ADAMTS18: variants seen among roughly 807,000 people sequenced by gnomAD.
ADAMTS18 encodes A disintegrin and metalloproteinase with thrombospondin motifs 18.
ADAMTS18 carries 157 observed loss-of-function variants against 165.9 expected under a neutral mutation model. The observed-to-expected ratio is 0.95, with a 90% CI of 0.83 to 1.08. ADAMTS18 has a LOEUF of 1.08. ADAMTS18 is among the 50% of genes least tolerant of loss of function. The pLI is 0.00. For synonymous variants in ADAMTS18, 782 were observed against 578.2 expected (o/e 1.35, Z -5.06); for missense variants, 2,040 against 1,534.0 (o/e 1.33, Z -5.51).
At chr16:77,288,112 T>C (rs1266856373) in intron 22 of ADAMTS18, among the ~76,000 whole-genome samples, 1 of 152,132 alleles carries the variant, frequency 6.6e-6, no homozygotes, top group Admixed American at 6.5e-5. Context: ...ATTGTGGTAT[T>C]AGGTGCTGGG....
chr16:77,419,372 G>T (rs565654914), intron 3 of ADAMTS18, among the ~76,000 whole-genome samples: 163 of 152,186 alleles, frequency 1.1e-3, no homozygotes, highest in African/African-American at 3.6e-3. Context: ...GTCAGCTAGA[G>T]GTCACTCAGC....
rs535342182 is a variant in ADAMTS18 at position 77,396,904 on chromosome 16, T to C, written c.496-29181A>G. On this transcript the variant is annotated intron_variant, in intron 3 of 22. Coordinates refer to ENST00000282849, the MANE Select transcript of ADAMTS18 (RefSeq NM_199355.4). Reference sequence around the variant, plus strand: ...TCACTGCAACCTCTGCCCCCTGGATTCAAGCGATTCTCTTGCCTCAGCCTC... The same window carrying C: ...TCACTGCAACCTCTGCCCCCTGGATCCAAGCGATTCTCTTGCCTCAGCCTC... Among the ~76,000 whole-genome samples the C allele has an allele frequency of 1.2e-4, 18 of 152,134 alleles. No homozygotes were observed. In the South Asian group the frequency reaches 3.7e-3, roughly 32 times the overall value.
chr16:77,288,906 G>A (rs559755962), intron 22 of ADAMTS18, among the ~76,000 whole-genome samples: 6 of 152,234 alleles, frequency 3.9e-5, no homozygotes, highest in South Asian at 4.1e-4. Flanking sequence ...CCAACATGGT[G>A]AAACCCTGTC....
chr16:77,404,992 C>G (rs141219426), intron 3 of ADAMTS18, among the ~76,000 whole-genome samples: 207 of 152,202 alleles, frequency 1.4e-3, no homozygotes, highest in African/African-American at 4.6e-3. Context: ...GCCCCCAGAG[C>G]GGGGGAATGT....
At chr16:77,400,456 C>CTGTG (rs796918149) in intron 3 of ADAMTS18, among the ~76,000 whole-genome samples, 183 of 110,780 alleles carry the variant, frequency 1.7e-3, no homozygotes, top group Middle Eastern at 4.7e-3. Flanking sequence ...GTGTGTGTGT[C>CTGTG]TGTGTGTGTG....
intron 19 of ADAMTS18, 99 bp from the exon 20 acceptor site, chr16:77,293,357 G>C: frequency 9.2e-7 from 1 of 1,091,752 alleles, no homozygotes; most frequent in Non-Finnish European, 1.4e-6. Context: ...GTGAAAGGTG[G>C]GATAAACTCC....
chr16:77,390,699 G>GA (rs572079107), intron 3 of ADAMTS18, among the ~76,000 whole-genome samples: 4,562 of 132,284 alleles, frequency 0.034, 230 homozygotes, highest in African/African-American at 0.11. Context: ...CAAAAAAAAA[G>GA]AAAAAAAAAA....
intron 14 of ADAMTS18, 79 bp downstream of exon 14, chr16:77,322,257 C>A: frequency 6.5e-7 from 1 of 1,541,860 alleles, no homozygotes. Context: ...CACAATCTCT[C>A]ACACCACTGT....
In ADAMTS18 at chr16:77,334,109, GTGTTATATA is replaced by G. The variant is rs1567490912; in HGVS notation, c.1859+1638_1859+1646del. The stretch of plus-strand genomic sequence containing the variant: ...TGTTATATATTATATATAATATATA[GTGTTATATA>G]TTATATATAATATATAGTGTTATAT... On this transcript the variant is annotated intron_variant, in intron 12 of 22. Coordinates refer to ENST00000282849, the MANE Select transcript of ADAMTS18 (RefSeq NM_199355.4). 4.8e-4 allele frequency among the ~76,000 whole-genome samples: 51 copies of G among 106,682 alleles called. 1 individual carries two copies. Among genetic ancestry groups the G allele is most frequent in the East Asian group, 1.7e-3 (6 of 3,552 alleles). The allele number at this position is 106,682 out of a possible 152,430, so 70.0% of individuals were successfully genotyped here.
intron 22 of ADAMTS18, among the ~76,000 whole-genome samples, chr16:77,287,979 T>C (rs2055288097): frequency 6.6e-6 from 1 of 152,118 alleles, no homozygotes; most frequent in Admixed American, 6.5e-5. Flanking sequence ...GTATATAAGG[T>C]GCTTGGTGAC....
chr16:77,351,573 G>A (rs898460113), intron 10 of ADAMTS18, among the ~76,000 whole-genome samples: 1 of 152,152 alleles, frequency 6.6e-6, no homozygotes, highest in African/African-American at 2.4e-5. Context: ...TTGCTGCATA[G>A]TATGTAATAA....
At chr16:77,366,866 T>C (rs1003103987) in intron 4 of ADAMTS18, among the ~76,000 whole-genome samples, 3 of 152,236 alleles carry the variant, frequency 2.0e-5, no homozygotes, top group Admixed American at 6.5e-5. Context: ...TTAAATAAAA[T>C]GTTATTAAAA....
At chr16:77,347,624 A>G (rs559554574) in intron 10 of ADAMTS18, among the ~76,000 whole-genome samples, 1 of 152,052 alleles carries the variant, frequency 6.6e-6, no homozygotes, top group Non-Finnish European at 1.5e-5. Flanking sequence ...ATATTATTTG[A>G]TATATTCCTG....
intron 10 of ADAMTS18, among the ~76,000 whole-genome samples, chr16:77,347,948 G>T (rs536921939): frequency 6.6e-6 from 1 of 152,060 alleles, no homozygotes; most frequent in African/African-American, 2.4e-5. Context: ...CAAAGATATG[G>T]AAGTATTAAT....
At chr16:77,307,611 C>A (rs2055704688) in intron 16 of ADAMTS18, among the ~76,000 whole-genome samples, 1 of 152,172 alleles carries the variant, frequency 6.6e-6, no homozygotes, top group Non-Finnish European at 1.5e-5. Context: ...TAGCAAATGG[C>A]AATCTCTAGA....
chr16:77,420,781 C>T (rs2057591781), intron 3 of ADAMTS18, among the ~76,000 whole-genome samples: 1 of 152,036 alleles, frequency 6.6e-6, no homozygotes, highest in South Asian at 2.1e-4. Flanking sequence ...CACGTAGACT[C>T]AATAATTAAG....
intron 3 of ADAMTS18, among the ~76,000 whole-genome samples, chr16:77,421,767 C>T (rs1298129324): frequency 6.6e-6 from 1 of 151,576 alleles, no homozygotes; most frequent in African/African-American, 2.4e-5. Flanking sequence ...TCTCCCTACC[C>T]TCCTCATAAA....
intron 3 of ADAMTS18, among the ~76,000 whole-genome samples, chr16:77,419,477 C>T (rs543127100): frequency 1.3e-5 from 2 of 152,128 alleles, no homozygotes; most frequent in Non-Finnish European, 2.9e-5. Context: ...TTCTCATATG[C>T]TAAACCCCTC....
At chr16:77,347,768 A>T (rs2056498867) in intron 10 of ADAMTS18, among the ~76,000 whole-genome samples, 1 of 152,008 alleles carries the variant, frequency 6.6e-6, no homozygotes, top group Non-Finnish European at 1.5e-5. Context: ...ACCATTTTAT[A>T]TTTTTTCTAG....
Sources: allele counts gnomAD v4.1 joint callset (sites outside exome capture counted in the v4.1 genomes callset), GRCh38; gene constraint gnomAD v4.1.1; transcripts MANE v1.5; gene names NCBI Gene and HGNC (gene_info 2026-07-23, HGNC 2026-07-21).